LRRC53: variants seen among roughly 807,000 people sequenced by gnomAD.
The protein encoded by LRRC53 is leucine-rich repeat-containing protein 53.
Under a neutral mutation model 13.6 loss-of-function variants are expected in LRRC53, and 25 were observed. The observed-to-expected ratio is 1.83, with a 90% CI of 1.34 to 2.56. The LOEUF (loss-of-function observed/expected upper bound fraction) is 2.56, where lower values mean the gene tolerates loss of function less well. Among genes scored for constraint, LRRC53 ranks in the 30% most tolerant of loss-of-function variants. The pLI is 0.00. For synonymous variants in LRRC53, 204 were observed against 109.8 expected, an observed-to-expected ratio of 1.86 and a Z score of -5.37; for missense variants, 527 against 275.8, an observed-to-expected ratio of 1.91 and a Z score of -6.45.
At chr1:74,507,338 A>G (rs1465005635) in intron 1 of LRRC53, among the ~76,000 whole-genome samples, 1 of 151,076 alleles carries the variant, frequency 6.6e-6, no homozygotes, top group Non-Finnish European at 1.5e-5. Context: ...CTAGTTACCC[A>G]TCATGTTTGC....
At chr1:74,497,761 A>T (rs958409224) in intron 1 of LRRC53, among the ~76,000 whole-genome samples, 15 of 152,152 alleles carry the variant, frequency 9.9e-5, no homozygotes, top group Non-Finnish European at 1.5e-5. Flanking sequence ...AATTTTTATT[A>T]TGTAGAACTC....
intron 3 of LRRC53, among the ~76,000 whole-genome samples, chr1:74,476,268 A>G (rs575809445): frequency 1.3e-5 from 2 of 152,232 alleles, no homozygotes; most frequent in Non-Finnish European, 2.9e-5. Flanking sequence ...TCTCAAACCC[A>G]TGTGCCGACT....
upstream of LRRC53, among the ~76,000 whole-genome samples, chr1:74,516,218 A>T (rs1228533345): frequency 1.3e-5 from 2 of 152,186 alleles, no homozygotes; most frequent in Non-Finnish European, 2.9e-5. Flanking sequence ...AGCCAGGAAA[A>T]AAAATTTTGA....
rs1668413735 is a variant in LRRC53, at chr1:74,480,215, T to G, written c.842A>C (p.Lys281Thr). The G allele has an allele frequency of 1.4e-6, 1 of 717,418 alleles. No homozygotes were observed. Among genetic ancestry groups the G allele is most frequent in the African/African-American group, 1.7e-5 (1 of 57,288 alleles). 44.4% of individuals were successfully genotyped at this position (717,418 alleles called of 1,614,324 possible). A position where few individuals can be genotyped will look rare whatever the true frequency, so the allele number is the denominator to read the frequency against. ...TCCTGGGAGGAGGGGACTTCTGTCC[T>G]TTAGAACCAGAGTGAAGTTGGGAGC... ...SKAPNFTLVL[K>T]DRSPLLPGPD... The change falls in exon 3 of 5, where the codon AAG becomes ACG. Residue 281 changes from lysine to threonine, a missense_variant. Transcript: ENST00000294635.
chr1:74,527,165 A>C, the LRRC53 span, among the ~76,000 whole-genome samples: 3 of 152,224 alleles, frequency 2.0e-5, no homozygotes, highest in African/African-American at 7.2e-5. Flanking sequence ...AAACAGTTTT[A>C]CTAGCCCGTG....
the LRRC53 span, among the ~76,000 whole-genome samples, chr1:74,535,247 TG>T: frequency 6.6e-6 from 1 of 152,008 alleles, no homozygotes; most frequent in African/African-American, 2.4e-5. Context: ...GAGGTCGAGG[TG>T]GGTGGATCAA....
chr1:74,510,612 G>T (rs920506103), intron 1 of LRRC53, among the ~76,000 whole-genome samples: 2 of 152,144 alleles, frequency 1.3e-5, no homozygotes, highest in Non-Finnish European at 2.9e-5. Context: ...TCTATAATTT[G>T]TTCAAAACTA....
chr1:74,492,169 C>A, intron 1 of LRRC53: 1 of 1,612,804 alleles, frequency 6.2e-7, no homozygotes, highest in Non-Finnish European at 8.5e-7. Context: ...CCTGGTGAAC[C>A]GGGGAGGACC....
chr1:74,487,395 G>A (rs1383887555), intron 1 of LRRC53, among the ~76,000 whole-genome samples: 5 of 152,306 alleles, frequency 3.3e-5, no homozygotes, highest in African/African-American at 4.8e-5. Flanking sequence ...ATAGCCATCC[G>A]AAGTGTGAGA....
chr1:74,528,634 AGTCAACTCTGTTG>A, the LRRC53 span, among the ~76,000 whole-genome samples: 1 of 152,208 alleles, frequency 6.6e-6, no homozygotes, highest in East Asian at 1.9e-4. Context: ...TGAAAACTAG[AGTCAACTCTGTTG>A]GTTGGTTTGG....
intron 1 of LRRC53, chr1:74,489,074 A>G: frequency 1.3e-6 from 1 of 790,182 alleles, no homozygotes; most frequent in Non-Finnish European, 2.0e-6. Context: ...TTAAATAAAA[A>G]TATACTTTAT....
chr1:74,522,471 G>A, the LRRC53 span, among the ~76,000 whole-genome samples: 1 of 152,114 alleles, frequency 6.6e-6, no homozygotes, highest in East Asian at 1.9e-4. Context: ...GGTGCTTGGG[G>A]AATACTTGTA....
rs1309023862 is a variant in LRRC53, at chr1:74,478,794, A to G, written c.904+1359T>C. ...TTGGGATATCTATTAATTATCCACC[A>G]GTGCTAGTATTCTAAGAAGCACATT... On this transcript the variant is annotated intron_variant, in intron 3 of 4. Transcript: ENST00000294635. 5.3e-5 allele frequency among the ~76,000 whole-genome samples: 8 copies of G among 152,216 alleles called. 1 individual carries two copies. Among genetic ancestry groups the G allele is most frequent in the Non-Finnish European group, 1.2e-4 (8 of 68,040 alleles).
chr1:74,488,266 T>TGATCCCACTGCCCCCACC (rs1668869680), intron 1 of LRRC53, among the ~76,000 whole-genome samples: 1 of 152,076 alleles, frequency 6.6e-6, no homozygotes. Context: ...CTGCTCCCAC[T>TGATCCCACTGCCCCCACC]GCTCCCACTG....
At chr1:74,473,945 G>A (rs1166156059) in intron 4 of LRRC53, among the ~76,000 whole-genome samples, 1 of 152,050 alleles carries the variant, frequency 6.6e-6, no homozygotes, top group Non-Finnish European at 1.5e-5. Context: ...AATCAGAGTG[G>A]CAATTTTTCT....
Position 74,475,771 on chromosome 1 carries a change from T to A in LRRC53, c.944A>T (p.Asn315Ile). 1 of 634,480 alleles carries A rather than the reference T, an allele frequency of 1.6e-6. No individual in the cohort carries two copies. The highest frequency in any genetic ancestry group is 2.9e-6 in the Non-Finnish European group (1 of 346,520). 39.3% of individuals were successfully genotyped at this position (634,480 alleles called of 1,614,324 possible). Reference protein sequence around the residue: ...GLTCLGLVVFNWKLHQGKANE... With the variant: ...GLTCLGLVVFIWKLHQGKANE... ...TGCTTTGCCTTGGTGGAGTTTCCAG[T>A]TAAATACAACTAAACCTAGGCAAGT... Residue 315 changes from asparagine to isoleucine, a missense_variant, in exon 4 of 5, where the codon AAC (asparagine) becomes ATC (isoleucine). Physicochemically the swap from Asn to Ile is moderately radical, Grantham distance 149. Coordinates refer to ENST00000294635, the MANE Select transcript of LRRC53 (RefSeq NM_001382280.1).
rs181277109 is a variant in LRRC53, at chr1:74,474,303, G to A, written c.1420+992C>T. ...AAGCCAGTCTGACCTGGTTTCTATG[G>A]CATATGTTTCTTTCCTCAGCCATCC... On this transcript the variant is annotated intron_variant, in intron 4 of 4. Coordinates refer to ENST00000294635, the MANE Select transcript of LRRC53 (RefSeq NM_001382280.1). Among the ~76,000 whole-genome samples, 155 of 152,194 alleles carry A rather than the reference G, an allele frequency of 1.0e-3. 1 individual carries two copies. The South Asian group carries it at 0.011, about 11-fold the overall frequency.
rs3765673 is a variant in LRRC53, at chr1:74,471,398, A to G, written c.2224T>C (p.Cys742Arg). 10,704 of 400,678 alleles carry G rather than the reference A, an allele frequency of 0.027. 494 individuals carry two copies. Among genetic ancestry groups the G allele is most frequent in the East Asian group, 0.15 (4,152 of 28,080 alleles). 24.8% of individuals were successfully genotyped at this position (400,678 alleles called of 1,614,324 possible). ...EKSLSSLPKQ[C>R]KQVLLPPKKL... ...TTAGGAGGCAACAATACCTGCTTGCATTGCTTTGGGAGACTTGACAAGGAT... is the reference window on the plus strand; with the variant it reads ...TTAGGAGGCAACAATACCTGCTTGCGTTGCTTTGGGAGACTTGACAAGGAT... The change falls in exon 5 of 5, where the codon TGC becomes CGC. Residue 742 changes from cysteine to arginine, a missense_variant. Coordinates refer to ENST00000294635, the MANE Select transcript of LRRC53 (RefSeq NM_001382280.1).
intron 4 of LRRC53, among the ~76,000 whole-genome samples, chr1:74,473,169 C>A (rs1427356821): frequency 6.6e-6 from 1 of 152,088 alleles, no homozygotes; most frequent in Non-Finnish European, 1.5e-5. Context: ...TCATAATGTA[C>A]GTTCATCATC....
Sources: gnomAD v4.1 joint callset for allele counts (sites outside exome capture counted in the v4.1 genomes callset) on GRCh38, gnomAD v4.1.1 for gene constraint, MANE v1.5 for transcripts, NCBI Gene and HGNC (gene_info 2026-07-23, HGNC 2026-07-21) for gene names.